Variants in CHN2 observed in about 807,000 individuals in gnomAD.
The protein encoded by CHN2 is chimerin 2.
A neutral mutation model predicts 56.3 loss-of-function variants in CHN2; 35 were observed. The ratio of observed to expected loss-of-function variants is 0.62; its 90% CI spans 0.47 to 0.82. The LOEUF is 0.82. Ranked by LOEUF, CHN2 falls within the 40% of genes least tolerant of loss-of-function variation. The pLI is 0.00. For missense variants in CHN2, 491 were observed against 580.5 expected, an observed-to-expected ratio of 0.85 and a Z score of 1.58; for synonymous variants, 210 against 212.8, an observed-to-expected ratio of 0.99 and a Z score of 0.12.
intron 1 of CHN2, among the ~76,000 whole-genome samples, chr7:29,309,565 C>G (rs1585025837): frequency 6.6e-6 from 1 of 152,208 alleles, no homozygotes; most frequent in Non-Finnish European, 1.5e-5. Flanking sequence ...ATTGTCCTTT[C>G]TGGCTTAGCA....
At chr7:29,448,219 T>G (rs849920) in intron 6 of CHN2, among the ~76,000 whole-genome samples, 17 of 152,014 alleles carry the variant, frequency 1.1e-4, no homozygotes, top group African/African-American at 3.9e-4. Context: ...TATTAAAGAA[T>G]GGGATTTTGA....
intron 6 of CHN2, among the ~76,000 whole-genome samples, chr7:29,462,688 A>G (rs985799900): frequency 1.3e-5 from 2 of 152,204 alleles, no homozygotes; most frequent in African/African-American, 4.8e-5. Flanking sequence ...CAAAGATGCC[A>G]GTGGACAAGG....
chr7:29,506,162 G>A (rs1790538658), intron 10 of CHN2, among the ~76,000 whole-genome samples: 1 of 152,132 alleles, frequency 6.6e-6, no homozygotes, highest in African/African-American at 2.4e-5. Context: ...TGTTAGAAAT[G>A]GTAAGAAATA....
intron 1 of CHN2, among the ~76,000 whole-genome samples, chr7:29,240,379 CAGGT>C (rs2128809507): frequency 6.6e-6 from 1 of 152,308 alleles, no homozygotes; most frequent in African/African-American, 2.4e-5. Context: ...TTAGGTGAGA[CAGGT>C]AGGAGCTATT....
chr7:29,441,351 G>T (rs1330414122), intron 6 of CHN2, among the ~76,000 whole-genome samples: 1 of 145,478 alleles, frequency 6.9e-6, no homozygotes, highest in Non-Finnish European at 1.5e-5. Context: ...AGACTTAAAA[G>T]AAAACATTTC....
intron 6 of CHN2, among the ~76,000 whole-genome samples, chr7:29,435,894 CT>C (rs57786505): frequency 1.6e-3 from 216 of 137,390 alleles, no homozygotes; most frequent in Middle Eastern, 0.015. Context: ...GAAGCGCCTC[CT>C]TTTTTTTTTT....
At chr7:29,509,940 G>T (rs1791104079) in intron 12 of CHN2, among the ~76,000 whole-genome samples, 1 of 152,018 alleles carries the variant, frequency 6.6e-6, no homozygotes, top group Admixed American at 6.5e-5. Context: ...CAGCTGATTT[G>T]AAGAGGTGAA....
At chr7:29,380,883 G>A (rs1585211956) in intron 3 of CHN2, 1 of 152,176 alleles carries the variant, frequency 6.6e-6, no homozygotes, top group African/African-American at 2.4e-5. Context: ...GGACCTATTA[G>A]AAAAGGTCAA....
At chr7:29,212,316 G>A (rs1364137493) in intron 1 of CHN2, 13 of 1,299,860 alleles carry the variant, frequency 1.0e-5, no homozygotes, top group Non-Finnish European at 1.4e-5. Context: ...TGTGGATCTG[G>A]CTTGTCTGCA....
intron 1 of CHN2, chr7:29,212,471 A>T (rs1302602052): frequency 6.3e-7 from 1 of 1,591,822 alleles, no homozygotes. Flanking sequence ...TTCTTCCTCC[A>T]TGGATCTGCT....
intron 9 of CHN2, among the ~76,000 whole-genome samples, chr7:29,503,447 T>C (rs1479787179): frequency 1.3e-5 from 2 of 152,200 alleles, no homozygotes; most frequent in Admixed American, 6.5e-5. Flanking sequence ...GAATGAGATG[T>C]GCTCATATGC....
intron 7 of CHN2, among the ~76,000 whole-genome samples, chr7:29,485,019 A>G (rs955175170): frequency 1.4e-4 from 21 of 152,280 alleles, no homozygotes; most frequent in African/African-American, 4.6e-4. Context: ...TTGCTCTGAT[A>G]GAAAGTGGTG....
At chr7:29,464,081 A>G (rs1351327569) in intron 6 of CHN2, among the ~76,000 whole-genome samples, 3 of 152,206 alleles carry the variant, frequency 2.0e-5, no homozygotes, top group African/African-American at 7.2e-5. Context: ...TTATGTGTGC[A>G]TTGTTCAGGG....
At chr7:29,163,121 AATT>A (rs1795414975) in intron 2 of CHN2, among the ~76,000 whole-genome samples, 1 of 152,184 alleles carries the variant, frequency 6.6e-6, no homozygotes, top group African/African-American at 2.4e-5. Flanking sequence ...ATGAGTCTGT[AATT>A]ATTTCAAAAT....
In CHN2 at chr7:29,227,600, C is replaced by G. The variant is rs567685955; in HGVS notation, c.49+32610C>G. The stretch of plus-strand genomic sequence containing the variant: ...TGGCCATTGCTCTAGCTTTTGCTTG[C>G]TGGATTTGAACTGTAGTCATTTTGC... On this transcript the variant is annotated intron_variant, in intron 1 of 12. Transcript: ENST00000222792. Among the ~76,000 whole-genome samples, 3 of 152,282 alleles carry G rather than the reference C, an allele frequency of 2.0e-5. No individual in the cohort carries two copies. The East Asian group carries it at 5.8e-4, about 29-fold the overall frequency.
chr7:29,214,428 C>T (rs1167992177), intron 1 of CHN2, among the ~76,000 whole-genome samples: 1 of 152,172 alleles, frequency 6.6e-6, no homozygotes, highest in Non-Finnish European at 1.5e-5. Flanking sequence ...TAGGAAACCT[C>T]GTTTCTACCA....
chr7:29,433,028 T>A (rs1585375483), intron 6 of CHN2, among the ~76,000 whole-genome samples: 1 of 152,192 alleles, frequency 6.6e-6, no homozygotes, highest in East Asian at 1.9e-4. Flanking sequence ...ACGGATATAG[T>A]TTTTCCATCA....
intron 12 of CHN2, 37 bp from the exon 13 acceptor site, chr7:29,512,527 C>G: frequency 6.4e-7 from 1 of 1,552,948 alleles, no homozygotes; most frequent in South Asian, 1.2e-5. Context: ...ATCCTCAAGT[C>G]TCCATAATGT....
intron 1 of CHN2, among the ~76,000 whole-genome samples, chr7:29,201,924 G>A (rs191933344): frequency 3.4e-4 from 52 of 152,252 alleles, no homozygotes; most frequent in Admixed American, 2.5e-3. Context: ...TTATGACCCC[G>A]AGGGAAACTG....
Sources: allele counts gnomAD v4.1 joint callset (sites outside exome capture counted in the v4.1 genomes callset), GRCh38; gene constraint gnomAD v4.1.1; transcripts MANE v1.5; gene names NCBI Gene and HGNC (gene_info 2026-07-23, HGNC 2026-07-21).